The following RIN3 variants were observed in gnomAD, a reference collection of about 807,000 sequenced individuals.
The protein encoded by RIN3 is Ras and Rab interactor 3.
In RIN3, 54 loss-of-function variants were observed where a neutral mutation model predicts 76.3. That is an observed-to-expected ratio of 0.71 (90% CI 0.57 to 0.89). The LOEUF is 0.89. RIN3 is among the 40% of genes least tolerant of loss of function. The pLI is 0.00. For synonymous variants in RIN3, 576 were observed against 564.0 expected (o/e 1.02, Z -0.30); for missense variants, 1,256 against 1,322.1 (o/e 0.95, Z 0.78).
chr14:92,524,411 T>C (rs5005391), intron 1 of RIN3, among the ~76,000 whole-genome samples: 10,080 of 152,242 alleles, frequency 0.066, 1,123 homozygotes, highest in African/African-American at 0.23. Context: ...CCTCTTTGCC[T>C]AGCCTTGGGA....
chr14:92,592,873 C>A (rs968413899), intron 3 of RIN3, among the ~76,000 whole-genome samples: 18 of 151,874 alleles, frequency 1.2e-4, no homozygotes, highest in African/African-American at 4.1e-4. Context: ...GGGGTTTCGC[C>A]ATGTTGGCCA....
At chr14:92,583,188 C>G (rs953063010) in intron 3 of RIN3, among the ~76,000 whole-genome samples, 2 of 152,164 alleles carry the variant, frequency 1.3e-5, no homozygotes, top group East Asian at 1.9e-4. Flanking sequence ...AAGGCCCAGG[C>G]CTGGAACTGG....
chr14:92,599,008 C>T (rs1031019943), intron 3 of RIN3, among the ~76,000 whole-genome samples: 5 of 151,990 alleles, frequency 3.3e-5, no homozygotes, highest in African/African-American at 4.8e-5. Context: ...AGATAGTCCA[C>T]GCAAGTGCAC....
At chr14:92,545,116 T>C (rs543819618) in intron 1 of RIN3, among the ~76,000 whole-genome samples, 7 of 143,458 alleles carry the variant, frequency 4.9e-5, no homozygotes, top group African/African-American at 1.8e-4. Context: ...GTTTTTTTTT[T>C]TTTTTTTTTT....
chr14:92,630,587 C>G (rs1402416576), intron 4 of RIN3, among the ~76,000 whole-genome samples: 1 of 152,238 alleles, frequency 6.6e-6, no homozygotes, highest in African/African-American at 2.4e-5. Flanking sequence ...GCGACTTCCT[C>G]TATGTCCAGG....
At chr14:92,673,709 T>C (rs1888365622) in intron 7 of RIN3, among the ~76,000 whole-genome samples, 2 of 152,198 alleles carry the variant, frequency 1.3e-5, no homozygotes, top group African/African-American at 4.8e-5. Context: ...CTTCCCCACA[T>C]TGGCCAGGTC....
At chr14:92,515,365 G>A (rs879687497) in intron 1 of RIN3, 5 of 622,490 alleles carry the variant, frequency 8.0e-6, no homozygotes, top group Admixed American at 2.7e-5. Flanking sequence ...GAGGGGCCAG[G>A]GCGCTGGCCT....
intron 1 of RIN3, among the ~76,000 whole-genome samples, chr14:92,548,666 G>A (rs946184558): frequency 1.3e-5 from 2 of 152,008 alleles, no homozygotes; most frequent in Non-Finnish European, 2.9e-5. Flanking sequence ...GCCTTCACAC[G>A]GACCTCATCT....
rs1887684768 is a variant in RIN3 at position 92,656,781 on chromosome 14, C to T, written c.2027-2380C>T. Among the ~76,000 whole-genome samples the T allele has an allele frequency of 6.6e-6, 1 of 152,196 alleles. No homozygotes were observed. The highest frequency in any genetic ancestry group is 2.4e-5 in the African/African-American group (1 of 41,450). ...AGAAGGGCCCTTCAGCCTTTGGGAACAGGGTCAGCATCCACAGCAATGGTG... is the reference window on the plus strand; with the variant it reads ...AGAAGGGCCCTTCAGCCTTTGGGAATAGGGTCAGCATCCACAGCAATGGTG... On this transcript the variant is annotated intron_variant, in intron 6 of 9. Coordinates refer to ENST00000216487, the MANE Select transcript of RIN3 (RefSeq NM_024832.5). The surrounding 1 kb of genome is among the most constrained non-coding windows in gnomAD (Gnocchi z 5.2).
chr14:92,657,733 G>A (rs185903276), intron 6 of RIN3, among the ~76,000 whole-genome samples: 9 of 152,336 alleles, frequency 5.9e-5, no homozygotes, highest in East Asian at 1.9e-4. Context: ...GGAGGTGGGC[G>A]TGGAAGGAGG....
intron 3 of RIN3, among the ~76,000 whole-genome samples, chr14:92,614,032 G>A (rs1260191916): frequency 6.6e-6 from 1 of 152,204 alleles, no homozygotes; most frequent in African/African-American, 2.4e-5. Context: ...GCTTTCCCAA[G>A]CAGGGCAGAG....
chr14:92,641,079 C>T (rs1328316497), intron 4 of RIN3, among the ~76,000 whole-genome samples, 159 bp from the exon 5 acceptor site: 5 of 152,170 alleles, frequency 3.3e-5, no homozygotes, highest in African/African-American at 1.2e-4. Flanking sequence ...TGACTTGATG[C>T]TCCTTCTGCC....
Position 92,575,318 on chromosome 14 carries a change from AG to A in RIN3, c.250-2039del, listed in dbSNP as rs541063512. On this transcript the variant is annotated intron_variant, in intron 2 of 9. Coordinates refer to ENST00000216487, the MANE Select transcript of RIN3 (RefSeq NM_024832.5). The stretch of plus-strand genomic sequence containing the variant: ...GGGCCGTATCCTCACGTTACCAGAA[AG>A]GGCTCCCGATCCAGACCCCAAGAGA... 1.1e-4 allele frequency among the ~76,000 whole-genome samples: 16 copies of A among 152,176 alleles called. No homozygotes were observed. The East Asian group carries it at 2.9e-3, about 28-fold the overall frequency.
chr14:92,652,418 C>G lies in RIN3; in HGVS notation c.1369C>G (p.Pro457Ala). 1 of 1,613,620 alleles carries G rather than the reference C, an allele frequency of 6.2e-7. No homozygotes were observed. The highest frequency in any genetic ancestry group is 8.5e-7 in the Non-Finnish European group (1 of 1,179,824). The change falls in exon 6 of 10, where the codon CCA (proline) becomes GCA (alanine). Residue 457 changes from proline (P) to alanine (A), a missense_variant. This residue lies in a region of RIN3 where 610 missense variants were observed against 626.4 expected (regional missense o/e 0.97). Transcript: ENST00000216487. This position sits in a 1 kb window ranked among gnomAD's most constrained non-coding sequence, Gnocchi z 6.4. ...GCTGCCCAGGACAGCCAAACAACCC[C>G]CAGTCCCGCCCCCCAGGAAAAAACG... is the stretch of plus-strand genomic sequence containing the variant. Reference protein sequence around the residue: ...PELPRTAKQPPVPPPRKKRIS... With the variant: ...PELPRTAKQPAVPPPRKKRIS...
In RIN3 at chr14:92,588,806, A is replaced by G. The variant is rs74687359; in HGVS notation, c.367+11329A>G. Among the ~76,000 whole-genome samples the G allele has an allele frequency of 6.2e-4, 94 of 152,250 alleles. No homozygotes were observed. The East Asian group carries it at 0.015, about 24-fold the overall frequency. On this transcript the variant is annotated intron_variant, in intron 3 of 9. Transcript: ENST00000216487. The stretch of plus-strand genomic sequence containing the variant: ...TCTGGAAATTCTCTACTCAGTAACC[A>G]TACTAGTACTAGCACGTGCAAGACT...
At chr14:92,567,140 G>A (rs1433979235) in intron 2 of RIN3, among the ~76,000 whole-genome samples, 1 of 152,118 alleles carries the variant, frequency 6.6e-6, no homozygotes, top group Non-Finnish European at 1.5e-5. Flanking sequence ...GTGAGGGGCT[G>A]GACCACATCA....
intron 3 of RIN3, among the ~76,000 whole-genome samples, chr14:92,606,772 G>C (rs969495728): frequency 6.6e-6 from 1 of 152,194 alleles, no homozygotes; most frequent in Non-Finnish European, 1.5e-5. Context: ...GTTGACAAGG[G>C]CATGGAGAAA....
chr14:92,569,501 T>C (rs1421455018), intron 2 of RIN3, among the ~76,000 whole-genome samples: 1 of 151,790 alleles, frequency 6.6e-6, no homozygotes, highest in Non-Finnish European at 1.5e-5. Context: ...AACTGGCTGC[T>C]CAGGGCCGTC....
rs371540863 is a variant in RIN3, at chr14:92,605,929, A to G, written c.368-9478A>G. On this transcript the variant is annotated intron_variant, in intron 3 of 9. Transcript: ENST00000216487. ...GGCCCTATTGAATCATTTATGTAAC[A>G]CCCATTATGTGCCTACTATTTTCCA... 8.6e-4 allele frequency among the ~76,000 whole-genome samples: 131 copies of G among 152,284 alleles called. 1 individual carries two copies. The highest frequency in any genetic ancestry group is 2.9e-3 in the African/African-American group (122 of 41,558).
Sources: allele counts gnomAD v4.1 joint callset (sites outside exome capture counted in the v4.1 genomes callset), GRCh38; gene constraint gnomAD v4.1.1; regional missense constraint gnomAD v4.1.1; non-coding constraint Gnocchi (gnomAD v3.1); transcripts MANE v1.5; gene names NCBI Gene and HGNC (gene_info 2026-07-23, HGNC 2026-07-21).